Variants in SAMD4A observed in about 807,000 individuals in gnomAD.
The protein encoded by SAMD4A is protein Smaug homolog 1.
Under a neutral mutation model 81.3 loss-of-function variants are expected in SAMD4A, and 33 were observed. The observed-to-expected ratio is 0.41, with a 90% CI of 0.31 to 0.54. The LOEUF (loss-of-function observed/expected upper bound fraction) is 0.54, where lower values mean the gene tolerates loss of function less well. SAMD4A is among the 20% of genes least tolerant of loss of function. The pLI is 0.37. For missense variants in SAMD4A, 854 were observed against 951.1 expected (o/e 0.90, Z 1.34); for synonymous variants, 389 against 382.1 (o/e 1.02, Z -0.21).
At chr14:54,657,404 C>T (rs2035544206) in intron 2 of SAMD4A, among the ~76,000 whole-genome samples, 1 of 152,222 alleles carries the variant, frequency 6.6e-6, no homozygotes. Context: ...TCCTATATCA[C>T]TTTCCACTCC....
At chr14:54,684,335 G>A (rs779754656) in intron 2 of SAMD4A, among the ~76,000 whole-genome samples, 4 of 152,218 alleles carry the variant, frequency 2.6e-5, no homozygotes, top group Non-Finnish European at 4.4e-5. Context: ...CTTGTGGAAT[G>A]AGACCAACAC....
intron 4 of SAMD4A, among the ~76,000 whole-genome samples, chr14:54,738,458 C>T (rs749769706): frequency 2.5e-4 from 38 of 152,194 alleles, no homozygotes; most frequent in Admixed American, 4.6e-4. Context: ...CATCCCACCC[C>T]CATTTCATTG....
At chr14:54,732,396 A>G (rs1305485572) in intron 3 of SAMD4A, among the ~76,000 whole-genome samples, 1 of 152,188 alleles carries the variant, frequency 6.6e-6, no homozygotes, top group Non-Finnish European at 1.5e-5. Context: ...TCTACTACCC[A>G]GAGACCCACA....
intron 3 of SAMD4A, among the ~76,000 whole-genome samples, chr14:54,728,689 G>A (rs147165941): frequency 0.02 from 3,100 of 152,162 alleles, 45 homozygotes; most frequent in Middle Eastern, 0.099. Flanking sequence ...TTTTATCAAG[G>A]AGCTAAGTTA....
intron 10 of SAMD4A, among the ~76,000 whole-genome samples, chr14:54,775,955 C>T (rs1020650527): frequency 2.1e-5 from 3 of 145,352 alleles, no homozygotes; most frequent in Non-Finnish European, 3.0e-5. Context: ...TGTGCCAGCT[C>T]ATTGCCAGCT....
At chr14:54,697,116 C>A (rs2036595524) in intron 2 of SAMD4A, among the ~76,000 whole-genome samples, 1 of 152,184 alleles carries the variant, frequency 6.6e-6, no homozygotes. Flanking sequence ...GGCCAGTGGG[C>A]AGTTGGACAG....
chr14:54,684,578 G>C (rs1004064657), intron 2 of SAMD4A, among the ~76,000 whole-genome samples: 1 of 152,036 alleles, frequency 6.6e-6, no homozygotes, highest in Non-Finnish European at 1.5e-5. Flanking sequence ...GCATCCCTGA[G>C]GGCCTGCCCT....
intron 2 of SAMD4A, among the ~76,000 whole-genome samples, chr14:54,596,637 C>T (rs1167413616): frequency 6.6e-6 from 1 of 152,092 alleles, no homozygotes; most frequent in Admixed American, 6.6e-5. Flanking sequence ...CTCCTAGGAG[C>T]TGACGCCTTA....
intron 3 of SAMD4A, 113 bp from the exon 4 acceptor site, chr14:54,736,911 G>A (rs1042727738): frequency 3.3e-6 from 4 of 1,222,222 alleles, no homozygotes; most frequent in Non-Finnish European, 4.7e-6. Context: ...GACCATGGAT[G>A]GAGTTGTAAG....
At chr14:54,620,081 A>G (rs2034580136) in intron 2 of SAMD4A, among the ~76,000 whole-genome samples, 1 of 151,978 alleles carries the variant, frequency 6.6e-6, no homozygotes, top group South Asian at 2.1e-4. Context: ...GGTGGGTGTT[A>G]CGTACATTCT....
At chr14:54,690,015 A>G (rs1334573912) in intron 2 of SAMD4A, 1 of 152,276 alleles carries the variant, frequency 6.6e-6, no homozygotes, top group Non-Finnish European at 1.5e-5. Flanking sequence ...GTGCCATGTC[A>G]TCAGCCATAA....
At chr14:54,669,240 A>T (rs1260397670) in intron 2 of SAMD4A, among the ~76,000 whole-genome samples, 1 of 152,068 alleles carries the variant, frequency 6.6e-6, no homozygotes, top group East Asian at 1.9e-4. Flanking sequence ...AGTGGTTCAC[A>T]TGCCCCAGCC....
chr14:54,774,662 A>AAAAAAAAAG (rs2038790914), intron 9 of SAMD4A, among the ~76,000 whole-genome samples: 1 of 151,614 alleles, frequency 6.6e-6, no homozygotes, highest in South Asian at 2.1e-4. Context: ...CAAAAAAAAA[A>AAAAAAAAAG]AGTTAGCTGG....
intron 2 of SAMD4A, among the ~76,000 whole-genome samples, chr14:54,576,476 G>A (rs1478683590): frequency 6.6e-6 from 1 of 152,170 alleles, no homozygotes; most frequent in Non-Finnish European, 1.5e-5. Flanking sequence ...GCACATTGTA[G>A]GCATCTGAGA....
At chr14:54,682,560 T>A (rs1178508658) in intron 2 of SAMD4A, among the ~76,000 whole-genome samples, 1 of 152,226 alleles carries the variant, frequency 6.6e-6, no homozygotes, top group Non-Finnish European at 1.5e-5. Context: ...TTGCTAATCC[T>A]TGTCCATACT....
intron 12 of SAMD4A, among the ~76,000 whole-genome samples, chr14:54,786,147 G>C (rs559554967): frequency 6.6e-6 from 1 of 152,346 alleles, no homozygotes; most frequent in Non-Finnish European, 1.5e-5. Flanking sequence ...AACAGTGAAA[G>C]AGCATTCAGC....
intron 2 of SAMD4A, among the ~76,000 whole-genome samples, chr14:54,584,708 C>A (rs760464854): frequency 2.2e-4 from 34 of 152,110 alleles, no homozygotes; most frequent in Non-Finnish European, 4.1e-4. Flanking sequence ...AACATGTTTT[C>A]TGATTAAAAT....
At chr14:54,606,183 C>CTGTGTGTGTGTGTGTGTGTG (rs57209362) in intron 2 of SAMD4A, among the ~76,000 whole-genome samples, 51 of 146,676 alleles carry the variant, frequency 3.5e-4, no homozygotes, top group African/African-American at 1.2e-3. Flanking sequence ...TACTTCTGGG[C>CTGTGTGTGTGTGTGTGTGTG]TGTGTGTGTG....
rs1234524987 is a variant in SAMD4A, at chr14:54,789,272, A to C, written c.*328A>C. Reference sequence around the variant, plus strand: ...ATGGAACGGGGACAGGGGAAAGAGTACTGCCATGAAAGAGATAGGAGACAC... The same window carrying C: ...ATGGAACGGGGACAGGGGAAAGAGTCCTGCCATGAAAGAGATAGGAGACAC... On this transcript the variant is annotated 3_prime_UTR_variant, in exon 13 of 13. Coordinates refer to ENST00000554335, the MANE Select transcript of SAMD4A (RefSeq NM_015589.6). The C allele has an allele frequency of 2.4e-6, 1 of 419,362 alleles. No homozygotes were observed. Among genetic ancestry groups the C allele is most frequent in the Non-Finnish European group, 4.4e-6 (1 of 228,788 alleles). The allele number at this position is 419,362 out of a possible 1,614,324, so 26.0% of individuals were successfully genotyped here. A position where few individuals can be genotyped will look rare whatever the true frequency, so the allele number is the denominator to read the frequency against.
Sources: gnomAD v4.1 joint callset for allele counts (sites outside exome capture counted in the v4.1 genomes callset) on GRCh38, gnomAD v4.1.1 for gene constraint, MANE v1.5 for transcripts, NCBI Gene and HGNC (gene_info 2026-07-23, HGNC 2026-07-21) for gene names.